Variants in CCDC7 observed in about 807,000 individuals in gnomAD.
CCDC7 encodes the protein coiled-coil domain-containing protein 7.
In CCDC7, 183 loss-of-function variants were observed where a neutral mutation model predicts 196.9. The ratio of observed to expected loss-of-function variants is 0.93; its 90% CI spans 0.82 to 1.05. The LOEUF (loss-of-function observed/expected upper bound fraction) is 1.05, where lower values mean the gene tolerates loss of function less well. Ranked by LOEUF, CCDC7 falls within the 50% of genes least tolerant of loss-of-function variation. CCDC7 has a pLI of 0.00. For synonymous variants in CCDC7, 525 were observed against 484.6 expected, an observed-to-expected ratio of 1.08 and a Z score of -1.10; for missense variants, 1,540 against 1,482.2, an observed-to-expected ratio of 1.04 and a Z score of -0.64.
In CCDC7 at chr10:32,851,752, A is replaced by C. The variant is rs959015742; in HGVS notation, c.3896-55A>C. 2.6e-5 allele frequency: 40 copies of C among 1,513,048 alleles called. No individual in the cohort carries two copies. The African/African-American group carries it at 5.4e-4, about 21-fold the overall frequency. The allele number at this position is 1,513,048 out of a possible 1,614,324, so 93.7% of individuals were successfully genotyped here. A position where few individuals can be genotyped will look rare whatever the true frequency, so the allele number is the denominator to read the frequency against. On this transcript the variant is annotated intron_variant, in intron 39 of 41. Coordinates refer to ENST00000639629, the Ensembl canonical transcript of CCDC7. ...GCATATATACTGTGTGAGTATTAAA[A>C]ATAATTACAAATGTCATCTATTGTA...
chr10:32,710,998 G>A lies in CCDC7; in HGVS notation c.2459-622G>A, dbSNP rs1305692716. Reference sequence around the variant, plus strand: ...AGGTAGGATGTATCAGCATAGATGGGAGGGTAACTTCTCACTGTATGTACA... The same window carrying A: ...AGGTAGGATGTATCAGCATAGATGGAAGGGTAACTTCTCACTGTATGTACA... On this transcript the variant is annotated intron_variant, in intron 24 of 41. Transcript: ENST00000639629. 2.6e-5 allele frequency among the ~76,000 whole-genome samples: 4 copies of A among 152,144 alleles called. No homozygotes were observed. In the East Asian group the frequency reaches 5.8e-4, roughly 22 times the overall value.
At chr10:32,526,076 C>T (rs1407843607) in intron 11 of CCDC7, among the ~76,000 whole-genome samples, 1 of 152,188 alleles carries the variant, frequency 6.6e-6, no homozygotes, top group Non-Finnish European at 1.5e-5. Context: ...AGAGTAAAAA[C>T]CTTAGCATTT....
chr10:32,503,293 G>A (rs1401193434), intron 9 of CCDC7, among the ~76,000 whole-genome samples: 2 of 151,984 alleles, frequency 1.3e-5, no homozygotes, highest in Non-Finnish European at 2.9e-5. Context: ...TCTGATATAT[G>A]GATTTTATTA....
intron 24 of CCDC7, among the ~76,000 whole-genome samples, chr10:32,697,740 G>C (rs1004356098): frequency 3.9e-5 from 6 of 152,204 alleles, no homozygotes; most frequent in African/African-American, 2.4e-5. Flanking sequence ...TCCACCTCTG[G>C]GGGCAGGGCA....
In CCDC7 at chr10:32,733,737, G is replaced by A. The variant is rs531279863; in HGVS notation, c.2905+4280G>A. Among the ~76,000 whole-genome samples the A allele has an allele frequency of 2.0e-5, 3 of 152,058 alleles. No homozygotes were observed. The East Asian group carries it at 5.8e-4, about 29-fold the overall frequency. On this transcript the variant is annotated intron_variant, in intron 28 of 41. Coordinates refer to ENST00000639629, the Ensembl canonical transcript of CCDC7. Reference sequence around the variant, plus strand: ...GATTATGGATTTCTCTATGCCTTATGGTAGTTCTGTCAAATTGGTTTATAT... The same window carrying A: ...GATTATGGATTTCTCTATGCCTTATAGTAGTTCTGTCAAATTGGTTTATAT...
intron 20 of CCDC7, among the ~76,000 whole-genome samples, chr10:32,647,858 T>G (rs1183693914): frequency 6.6e-6 from 1 of 152,244 alleles, no homozygotes; most frequent in African/African-American, 2.4e-5. Flanking sequence ...TATTTTTGTT[T>G]TTGTTGCATT....
At chr10:32,784,868 G>A (rs1485369427) in intron 29 of CCDC7, among the ~76,000 whole-genome samples, 1 of 151,964 alleles carries the variant, frequency 6.6e-6, no homozygotes, top group African/African-American at 2.4e-5. Flanking sequence ...TGGGCTTGGT[G>A]GCACACGCGT....
At chr10:32,554,170 C>T (rs2053971699) in intron 13 of CCDC7, among the ~76,000 whole-genome samples, 1 of 152,206 alleles carries the variant, frequency 6.6e-6, no homozygotes. Flanking sequence ...TCCCAACCTC[C>T]CCTGCAATAG....
chr10:32,801,235 C>A (rs755507026), intron 29 of CCDC7, among the ~76,000 whole-genome samples: 4 of 152,206 alleles, frequency 2.6e-5, no homozygotes, highest in Admixed American at 6.5e-5. Flanking sequence ...ACCCTCCCAG[C>A]TGGGATGAGT....
intron 13 of CCDC7, among the ~76,000 whole-genome samples, chr10:32,551,760 A>C (rs193154353): frequency 5.3e-5 from 8 of 152,194 alleles, no homozygotes; most frequent in Non-Finnish European, 1.5e-5. Flanking sequence ...GGTCTGAGAG[A>C]GTGCTTGATA....
At chr10:32,452,854 C>T (rs1175282902) in intron 1 of CCDC7, among the ~76,000 whole-genome samples, 7 of 152,072 alleles carry the variant, frequency 4.6e-5, no homozygotes, top group Admixed American at 3.3e-4. Flanking sequence ...TACCAAATAA[C>T]AATGAGGAAG....
At chr10:32,652,175 A>T (rs2068890339) in intron 20 of CCDC7, among the ~76,000 whole-genome samples, 1 of 152,118 alleles carries the variant, frequency 6.6e-6, no homozygotes, top group South Asian at 2.1e-4. Context: ...GGCTTGATTT[A>T]TATTTTTAAA....
chr10:32,556,194 G>A (rs1028685409), intron 13 of CCDC7, among the ~76,000 whole-genome samples: 27 of 152,124 alleles, frequency 1.8e-4, no homozygotes, highest in African/African-American at 6.5e-4. Flanking sequence ...CTCTCCCTGT[G>A]TATAAAATTC....
At chr10:32,833,037 T>G (rs2092332826) in intron 32 of CCDC7, among the ~76,000 whole-genome samples, 1 of 152,074 alleles carries the variant, frequency 6.6e-6, no homozygotes, top group Non-Finnish European at 1.5e-5. Flanking sequence ...AACAAGAATG[T>G]TCATATAACA....
chr10:32,554,167 C>T (rs2053971129), intron 13 of CCDC7, among the ~76,000 whole-genome samples: 1 of 152,224 alleles, frequency 6.6e-6, no homozygotes, highest in Admixed American at 6.5e-5. Flanking sequence ...TGCTCCCAAC[C>T]TCCCCTGCAA....
chr10:32,631,260 A>G (rs2064817843), intron 18 of CCDC7, among the ~76,000 whole-genome samples: 1 of 152,108 alleles, frequency 6.6e-6, no homozygotes, highest in African/African-American at 2.4e-5. Context: ...TTACTTCTCT[A>G]TTTTTTTATA....
intron 28 of CCDC7, among the ~76,000 whole-genome samples, chr10:32,769,814 TC>T (rs1458868201): frequency 6.6e-6 from 1 of 152,220 alleles, no homozygotes; most frequent in Non-Finnish European, 1.5e-5. Context: ...CATGAACTCA[TC>T]CTTTTTATGT....
At chr10:32,742,225 A>C (rs1389081088) in intron 28 of CCDC7, among the ~76,000 whole-genome samples, 1 of 152,170 alleles carries the variant, frequency 6.6e-6, no homozygotes, top group Non-Finnish European at 1.5e-5. Flanking sequence ...AAAATTGAGC[A>C]GAAAGTACAG....
At chr10:32,464,575 T>A (rs2036357347) in intron 5 of CCDC7, among the ~76,000 whole-genome samples, 1 of 152,204 alleles carries the variant, frequency 6.6e-6, no homozygotes, top group Non-Finnish European at 1.5e-5. Context: ...AGTGATTTGA[T>A]CTCGGCTCAC....
Sources: allele counts gnomAD v4.1 joint callset (sites outside exome capture counted in the v4.1 genomes callset), GRCh38; gene constraint gnomAD v4.1.1; transcripts MANE v1.5; gene names NCBI Gene and HGNC (gene_info 2026-07-23, HGNC 2026-07-21).